Variants in ODAD3 observed in about 807,000 individuals in gnomAD.
The protein encoded by ODAD3 is outer dynein arm-docking complex subunit 3.
ODAD3 carries 57 observed loss-of-function variants against 70.9 expected under a neutral mutation model. The observed-to-expected ratio is 0.80, with a 90% CI of 0.65 to 1.00. The LOEUF is 1.00. Ranked by LOEUF, ODAD3 falls within the 50% of genes least tolerant of loss-of-function variation. ODAD3 has a pLI of 0.00. For synonymous variants in ODAD3, 327 were observed against 315.9 expected, an observed-to-expected ratio of 1.04 and a Z score of -0.37; for missense variants, 797 against 763.9, an observed-to-expected ratio of 1.04 and a Z score of -0.51.
intron 6 of ODAD3, 26 bp from the exon 7 acceptor site, chr19:11,426,292 A>G: frequency 6.2e-7 from 1 of 1,612,774 alleles, no homozygotes; most frequent in Non-Finnish European, 8.5e-7. Context: ...GGTAGCAGGG[A>G]GACCAGCTGG....
chr19:11,435,313 C>T (rs1190574326), upstream of ODAD3: 3 of 780,312 alleles, frequency 3.8e-6, no homozygotes, highest in Non-Finnish European at 5.6e-6. Context: ...GACGGAGGGT[C>T]TGGACACTTT....
intron 7 of ODAD3, among the ~76,000 whole-genome samples, chr19:11,424,961 GTGTATATA>G (rs1381991521): frequency 1.0e-4 from 13 of 129,376 alleles, no homozygotes; most frequent in Middle Eastern, 0.012. Flanking sequence ...ATGTACATAT[GTGTATATA>G]TGTATATATG....
At position 11,425,051 on chromosome 19, in the gene ODAD3, A is replaced by ATG. The variant is rs1175638720; in HGVS notation, c.964-1024_964-1023dup. On this transcript the variant is annotated intron_variant, in intron 7 of 12. Transcript: ENST00000356392. ...TGTGCATATATACATATGTGTATAT[A>ATG]TGTGTATATGTGTATATATGTATAT... Among the ~76,000 whole-genome samples, 4 of 124,102 alleles carry ATG rather than the reference A, an allele frequency of 3.2e-5. No homozygotes were observed. In the South Asian group the frequency reaches 9.6e-4, roughly 30 times the overall value. 81.4% of individuals were successfully genotyped at this position (124,102 alleles called of 152,430 possible). A position where few individuals can be genotyped will look rare whatever the true frequency, so the allele number is the denominator to read the frequency against.
rs1969392284 is a variant in ODAD3, at chr19:11,426,955, C to A, written c.530G>T (p.Arg177Leu). The A allele has an allele frequency of 6.2e-7, 1 of 1,608,660 alleles. No individual in the cohort carries two copies. ...LRHQVVLRQR[R>L]LEELQLQHSL... The stretch of plus-strand genomic sequence containing the variant: ...GTGCTGCAGCTGGAGCTCCTCCAGC[C>A]GCCTCTGCCGCAACACCACCTGGTG... The change falls in exon 4 of 13, where the codon CGG becomes CTG. Residue 177 changes from arginine to leucine, a missense_variant. Physicochemically the swap from Arg to Leu is moderately radical, Grantham distance 102 (BLOSUM62 -2). Coordinates refer to ENST00000356392, the MANE Select transcript of ODAD3 (RefSeq NM_145045.5).
chr19:11,434,967 TGAG>T lies in ODAD3; in HGVS notation c.47_49del (p.Pro16del). On this transcript the variant is annotated inframe_deletion, in exon 1 of 13. Transcript: ENST00000356392. ...GGAAGAGGGCGTCGAAGCCTGGTCC[TGAG>T]GAGGCAGGGCGTTGGCGGAGGCCGC... 1 of 1,613,658 alleles carries T rather than the reference TGAG, an allele frequency of 6.2e-7. No individual in the cohort carries two copies. Among genetic ancestry groups the T allele is most frequent in the Non-Finnish European group, 8.5e-7 (1 of 1,180,036 alleles).
chr19:11,424,515 A>ATATATG (rs1969219612), intron 7 of ODAD3, among the ~76,000 whole-genome samples: 1 of 140,038 alleles, frequency 7.1e-6, no homozygotes, highest in East Asian at 2.0e-4. Context: ...GTATATATGT[A>ATATATG]TATATATGTA....
Position 11,426,898 on chromosome 19 carries a change from T to A in ODAD3, c.587A>T (p.Gln196Leu). ...CTTGGCCACCTCCGTGTGTCTGTTT[T>A]GCGCCTCCGCCATCTCCAGAAGGCG... ...SLRLLEMAEA[Q>L]NRHTEVAKTM... The change falls in exon 4 of 13, where the codon CAA becomes CTA. Residue 196 changes from glutamine (Q) to leucine (L), a missense_variant. Physicochemically the swap from Gln to Leu is moderately radical, Grantham distance 113. Coordinates refer to ENST00000356392, the MANE Select transcript of ODAD3 (RefSeq NM_145045.5). 3 of 1,609,802 alleles carry A rather than the reference T, an allele frequency of 1.9e-6. No individual in the cohort carries two copies. Among genetic ancestry groups the A allele is most frequent in the Non-Finnish European group, 2.5e-6 (3 of 1,177,716 alleles).
At chr19:11,425,832 AGGCAC>A (rs1203150702) in intron 7 of ODAD3, among the ~76,000 whole-genome samples, 2 of 151,312 alleles carry the variant, frequency 1.3e-5, no homozygotes, top group Non-Finnish European at 2.9e-5. Context: ...GTTGGCTCAG[AGGCAC>A]GGTCAGATTC....
At chr19:11,425,276 T>C (rs1333569203) in intron 7 of ODAD3, among the ~76,000 whole-genome samples, 1 of 140,954 alleles carries the variant, frequency 7.1e-6, no homozygotes, top group Non-Finnish European at 1.5e-5. Flanking sequence ...TGTATATGTG[T>C]GTATATGTAC....
At chr19:11,424,094 G>A in intron 7 of ODAD3, 65 bp from the exon 8 acceptor site, 1 of 1,562,428 alleles carries the variant, frequency 6.4e-7, no homozygotes, top group Non-Finnish European at 8.7e-7. Flanking sequence ...GGAGGCCGGG[G>A]AGGGGGATCC....
At chr19:11,424,075 G>A (rs749889069) in intron 7 of ODAD3, 46 bp from the exon 8 acceptor site, 7 of 1,580,788 alleles carry the variant, frequency 4.4e-6, no homozygotes, top group Non-Finnish European at 6.0e-6. Context: ...GGTGGACAGC[G>A]CTTGGGAAGG....
At chr19:11,433,911 A>T (rs1357770740) in intron 1 of ODAD3, among the ~76,000 whole-genome samples, 1 of 152,094 alleles carries the variant, frequency 6.6e-6, no homozygotes, top group Non-Finnish European at 1.5e-5. Flanking sequence ...TCAACAGCAG[A>T]GCAAGACCCT....
At chr19:11,424,157 A>G (rs2144758605) in intron 7 of ODAD3, 128 bp from the exon 8 acceptor site, 1 of 1,225,146 alleles carries the variant, frequency 8.2e-7, no homozygotes, top group East Asian at 2.4e-5. Flanking sequence ...GGAGAGGGCA[A>G]AAGCTTGGGG....
chr19:11,431,672 C>T (rs992926913), intron 1 of ODAD3, among the ~76,000 whole-genome samples: 7 of 151,328 alleles, frequency 4.6e-5, no homozygotes, highest in African/African-American at 1.5e-4. Flanking sequence ...CGGTGGCTCA[C>T]GTCCATAATC....
At chr19:11,429,376 TA>T (rs1485564821) in intron 3 of ODAD3, among the ~76,000 whole-genome samples, 4 of 152,002 alleles carry the variant, frequency 2.6e-5, no homozygotes, top group African/African-American at 9.7e-5. Flanking sequence ...CATGCCTGGC[TA>T]ATTTTTTGTA....
At chr19:11,425,139 A>G (rs967336434) in intron 7 of ODAD3, among the ~76,000 whole-genome samples, 6 of 135,154 alleles carry the variant, frequency 4.4e-5, no homozygotes, top group Admixed American at 2.9e-4. Context: ...GTATATGTGT[A>G]TATGTACATA....
rs752124573 is a variant in ODAD3, at chr19:11,434,966, C to T, written c.51G>A (p.Gln17=). ...RAASANALPP[Q]DQASTPSSRV... is the part of the protein sequence containing the mutation. ...TGGAAGAGGGCGTCGAAGCCTGGTC[C>T]TGAGGAGGCAGGGCGTTGGCGGAGG... The change falls in exon 1 of 13, where the codon CAG becomes CAA. Residue 17 remains glutamine (Q), a synonymous_variant. Transcript: ENST00000356392. 1 of 1,613,724 alleles carries T rather than the reference C, an allele frequency of 6.2e-7. No individual in the cohort carries two copies. Among genetic ancestry groups the T allele is most frequent in the South Asian group, 1.1e-5 (1 of 91,084 alleles).
intron 3 of ODAD3, among the ~76,000 whole-genome samples, chr19:11,427,576 G>T (rs1473832437): frequency 6.6e-6 from 1 of 151,376 alleles, no homozygotes; most frequent in African/African-American, 2.4e-5. Context: ...CCATCTCCTA[G>T]GTTCAAGCAA....
At chr19:11,423,253 C>A (rs192432045) in intron 8 of ODAD3, among the ~76,000 whole-genome samples, 1 of 152,216 alleles carries the variant, frequency 6.6e-6, no homozygotes, top group Non-Finnish European at 1.5e-5. Flanking sequence ...AAAGGGGCTG[C>A]GCCTCAGTGC....
Sources: allele counts gnomAD v4.1 joint callset (sites outside exome capture counted in the v4.1 genomes callset), GRCh38; gene constraint gnomAD v4.1.1; transcripts MANE v1.5; gene names NCBI Gene and HGNC (gene_info 2026-07-23, HGNC 2026-07-21).